Variants in BRI3 observed in about 807,000 individuals in gnomAD.
BRI3 encodes the protein brain protein I3.
In BRI3, 6 loss-of-function variants were observed where a neutral mutation model predicts 12.8. The ratio of observed to expected loss-of-function variants is 0.47; its 90% CI spans 0.26 to 0.93. The LOEUF is 0.93. BRI3 is among the 40% of genes least tolerant of loss of function. The pLI is 0.15. For synonymous variants in BRI3, 91 were observed against 76.1 expected, an observed-to-expected ratio of 1.20 and a Z score of -1.02; for missense variants, 134 against 171.1, an observed-to-expected ratio of 0.78 and a Z score of 1.21.
chr7:98,285,633 G>T (rs752823734), intron 2 of BRI3, among the ~76,000 whole-genome samples: 10 of 152,192 alleles, frequency 6.6e-5, no homozygotes, highest in Non-Finnish European at 2.9e-5. Flanking sequence ...GCCCCCAGCT[G>T]TGGGCCAAGT....
At chr7:98,310,366 A>G in exon 2 of BRI3, 1 of 1,483,096 alleles carries the variant, frequency 6.7e-7, no homozygotes, top group Non-Finnish European at 9.1e-7. Context: ...CAATACATTT[A>G]TACAAAATAT....
downstream of BRI3, chr7:98,291,872 G>A (rs1307458849): frequency 6.5e-6 from 1 of 153,106 alleles, no homozygotes; most frequent in East Asian, 1.9e-4. Context: ...CCAAAGGCCA[G>A]GTGTCACCCA....
chr7:98,282,022 C>T, intron 1 of BRI3, 85 bp downstream of exon 1: 1 of 1,306,122 alleles, frequency 7.7e-7, no homozygotes. Flanking sequence ...GCGGGTGGGG[C>T]CCGCCCGGGG....
At chr7:98,309,859 G>A (rs1800805146) in exon 2 of BRI3, 1 of 154,038 alleles carries the variant, frequency 6.5e-6, no homozygotes, top group South Asian at 2.0e-4. Context: ...GACAGTCACT[G>A]GCTCCAACTT....
At chr7:98,300,312 C>T (rs78737732) in intron 1 of BRI3, among the ~76,000 whole-genome samples, 2,999 of 152,322 alleles carry the variant, frequency 0.02, 105 homozygotes, top group African/African-American at 0.069. Context: ...CGTCTGTAGG[C>T]TGTTTCCCAC....
At chr7:98,320,491 T>A in the BRI3 span, among the ~76,000 whole-genome samples, 1 of 152,162 alleles carries the variant, frequency 6.6e-6, no homozygotes, top group Non-Finnish European at 1.5e-5. Flanking sequence ...TGCATCACCA[T>A]GCCTGGCTAA....
chr7:98,316,903 A>G, the BRI3 span, among the ~76,000 whole-genome samples: 1 of 151,016 alleles, frequency 6.6e-6, no homozygotes, highest in African/African-American at 2.4e-5. Context: ...TCATTCTGTC[A>G]CCCAGGCTGG....
the BRI3 span, chr7:98,320,374 C>A: frequency 8.4e-7 from 1 of 1,189,136 alleles, no homozygotes; most frequent in South Asian, 1.4e-5. Flanking sequence ...TTTGCTCTGT[C>A]GCCCAGGCTG....
At chr7:98,283,601 TGGG>T (rs1341472000) in intron 2 of BRI3, among the ~76,000 whole-genome samples, 1 of 152,140 alleles carries the variant, frequency 6.6e-6, no homozygotes. Flanking sequence ...TGCACCGGGT[TGGG>T]GGGCTGGCAG....
downstream of BRI3, chr7:98,294,108 C>A (rs760822063): frequency 3.7e-6 from 6 of 1,614,012 alleles, no homozygotes; most frequent in Non-Finnish European, 5.1e-6. Flanking sequence ...CCGTTGGCAT[C>A]GTTCTGTGAG....
downstream of BRI3, chr7:98,294,017 A>G: frequency 6.3e-7 from 1 of 1,577,022 alleles, no homozygotes; most frequent in Non-Finnish European, 8.7e-7. Flanking sequence ...CTTCCGGGGG[A>G]CACTACAGGG....
downstream of BRI3, among the ~76,000 whole-genome samples, chr7:98,296,485 T>C (rs6975519): frequency 0.89 from 135,372 of 152,072 alleles, 60,721 homozygotes; most frequent in Non-Finnish European, 0.95. Context: ...ATTAGCTGGG[T>C]GTGGTGGCGC....
At chr7:98,288,331 C>A (rs1799780786) in intron 2 of BRI3, among the ~76,000 whole-genome samples, 1 of 152,050 alleles carries the variant, frequency 6.6e-6, no homozygotes, top group Non-Finnish European at 1.5e-5. Flanking sequence ...GGAGCTGTGG[C>A]ACCTGGGGGA....
intron 1 of BRI3, 48 bp downstream of exon 1, chr7:98,281,985 G>A: frequency 7.7e-7 from 1 of 1,291,356 alleles, no homozygotes; most frequent in South Asian, 2.4e-5. Flanking sequence ...GAGGTGGCAA[G>A]CCCGGTCGGG....
downstream of BRI3, among the ~76,000 whole-genome samples, chr7:98,297,799 C>G (rs1417438792): frequency 6.6e-6 from 1 of 152,218 alleles, no homozygotes; most frequent in Non-Finnish European, 1.5e-5. Flanking sequence ...TGGCGGCTCT[C>G]AGGAGGGGCT....
chr7:98,306,382 G>A (rs1012660837), upstream of BRI3: 88 of 1,597,656 alleles, frequency 5.5e-5, no homozygotes, highest in Non-Finnish European at 7.3e-5. Context: ...GTGTGTTACA[G>A]AAACGACAAG....
downstream of BRI3, chr7:98,292,903 C>T (rs907589117): frequency 7.1e-7 from 1 of 1,415,860 alleles, no homozygotes; most frequent in Non-Finnish European, 9.2e-7. Context: ...CTACGTGTGG[C>T]TGTGATAAGG....
At chr7:98,317,138 C>A in the BRI3 span, 150,716 of 1,573,254 alleles carry the variant, frequency 0.096, 9,239 homozygotes, top group South Asian at 0.24. Context: ...CAGGCGTGAG[C>A]CACCGCACCC....
At chr7:98,308,056 C>A in exon 2 of BRI3, 1 of 747,560 alleles carries the variant, frequency 1.3e-6, no homozygotes, top group East Asian at 2.7e-5. Context: ...GATCATTGCC[C>A]AGAAGGAACA....
Sources: allele counts gnomAD v4.1 joint callset (sites outside exome capture counted in the v4.1 genomes callset), GRCh38; gene constraint gnomAD v4.1.1; transcripts MANE v1.5; gene names NCBI Gene and HGNC (gene_info 2026-07-23, HGNC 2026-07-21).